Variants in MYOM2 observed in about 807,000 individuals in gnomAD.
MYOM2 encodes the protein myomesin 2, also known as myomesin-2.
In MYOM2, 254 loss-of-function variants were observed where a neutral mutation model predicts 187.6. That is an observed-to-expected ratio of 1.35 (90% CI 1.22 to 1.50). MYOM2 has a LOEUF of 1.50. Among genes scored for constraint, MYOM2 ranks in the 40% most tolerant of loss-of-function variants. The pLI is 0.00. For missense variants in MYOM2, 2,796 were observed against 1,924.0 expected, an observed-to-expected ratio of 1.45 and a Z score of -8.48; for synonymous variants, 981 against 753.8, an observed-to-expected ratio of 1.30 and a Z score of -4.94.
chr8:2,054,566 A>G (rs959289459), intron 3 of MYOM2, among the ~76,000 whole-genome samples: 25 of 152,186 alleles, frequency 1.6e-4, no homozygotes, highest in African/African-American at 5.5e-4. Context: ...TGGCTGTGGG[A>G]GGAATTCCAG....
At chr8:2,129,024 A>C in intron 31 of MYOM2, 103 bp from the exon 32 acceptor site, 2 of 715,094 alleles carry the variant, frequency 2.8e-6, no homozygotes, top group Non-Finnish European at 4.9e-6. Flanking sequence ...AAGTGAGAAC[A>C]GGATTGCAGG....
intron 6 of MYOM2, 109 bp downstream of exon 6, chr8:2,059,354 G>A: frequency 1.2e-6 from 1 of 863,962 alleles, no homozygotes. Context: ...CTGTCTGTTT[G>A]CACCCCGGGT....
At chr8:2,093,411 G>C (rs997342695) in intron 16 of MYOM2, among the ~76,000 whole-genome samples, 1 of 152,196 alleles carries the variant, frequency 6.6e-6, no homozygotes, top group African/African-American at 2.4e-5. Context: ...CAAAGCATCT[G>C]TGCTAAGTTG....
intron 15 of MYOM2, 151 bp from the exon 16 acceptor site, chr8:2,092,195 C>T (rs1262207617): frequency 3.4e-5 from 31 of 902,570 alleles, no homozygotes; most frequent in East Asian, 2.9e-4. Context: ...CGGCCCGGGG[C>T]TCCTCTCCTA....
intron 35 of MYOM2, 61 bp from the exon 36 acceptor site, chr8:2,143,340 C>T (rs1585986184): frequency 1.9e-6 from 3 of 1,595,560 alleles, no homozygotes; most frequent in Non-Finnish European, 1.7e-6. Flanking sequence ...GCTTACATGG[C>T]TCCTGCTCCG....
intron 12 of MYOM2, 68 bp downstream of exon 12, chr8:2,079,001 G>T: frequency 1.3e-6 from 2 of 1,498,416 alleles, no homozygotes; most frequent in East Asian, 4.5e-5. Flanking sequence ...GTGATTTGTT[G>T]TCTCTTTCCC....
chr8:2,064,546 C>A (rs188611500), intron 6 of MYOM2, among the ~76,000 whole-genome samples: 1 of 152,122 alleles, frequency 6.6e-6, no homozygotes, highest in Non-Finnish European at 1.5e-5. Flanking sequence ...GCAGTCGCTG[C>A]GGGAGGCCAA....
At chr8:2,124,764 G>C (rs1797579623) in intron 31 of MYOM2, among the ~76,000 whole-genome samples, 1 of 151,980 alleles carries the variant, frequency 6.6e-6, no homozygotes, top group South Asian at 2.1e-4. Flanking sequence ...TTTATCTTTT[G>C]TCTTTTTGAT....
rs773556533 is a variant in MYOM2 at position 2,123,309 on chromosome 8, G to C, written c.3511G>C (p.Glu1171Gln). 6.2e-7 allele frequency: 1 copy of C among 1,614,052 alleles called. No homozygotes were observed. Among genetic ancestry groups the C allele is most frequent in the South Asian group, 1.1e-5 (1 of 91,050 alleles). The change falls in exon 29 of 37, where the codon GAA becomes CAA. Residue 1171 changes from glutamate to glutamine, a missense_variant. Physicochemically the swap from Glu to Gln is conservative, Grantham distance 29. Transcript: ENST00000262113. ...FKWLKDDVLYETETLPNLERG... is the reference protein window; with the variant it reads ...FKWLKDDVLYQTETLPNLERG... ...ATGGCTCAAGGATGATGTTCTGTATGAAACGGAGACACTGCCTAACCTGGA... is the reference window on the plus strand; with the variant it reads ...ATGGCTCAAGGATGATGTTCTGTATCAAACGGAGACACTGCCTAACCTGGA...
chr8:2,100,125 CTTCTTTCCTTCCT>C (rs1796648172), intron 19 of MYOM2, among the ~76,000 whole-genome samples: 1 of 50,086 alleles, frequency 2.0e-5, no homozygotes, highest in Admixed American at 2.3e-4. Flanking sequence ...TCCTTCCTTC[CTTCTTTCCTTCCT>C]TCCTTCCTTC....
intron 10 of MYOM2, among the ~76,000 whole-genome samples, chr8:2,075,498 T>C (rs551606453): frequency 2.4e-4 from 37 of 152,188 alleles, no homozygotes; most frequent in Non-Finnish European, 4.4e-4. Flanking sequence ...GGAAACTGGA[T>C]AGTGCTCACC....
intron 6 of MYOM2, among the ~76,000 whole-genome samples, chr8:2,059,952 G>A (rs559066935): frequency 1.3e-5 from 2 of 152,230 alleles, no homozygotes; most frequent in African/African-American, 4.8e-5. Flanking sequence ...ATGTTGGTCA[G>A]GCTGGTCTCG....
Position 2,096,251 on chromosome 8 carries a change from C to G in MYOM2, c.2130C>G (p.Val710=). The G allele has an allele frequency of 6.2e-7, 1 of 1,613,182 alleles. No homozygotes were observed. The highest frequency in any genetic ancestry group is 1.1e-5 in the South Asian group (1 of 90,984). Residue 710 remains valine (V), a synonymous_variant, in exon 18 of 37, where the codon GTC becomes GTG. Transcript: ENST00000262113. ...DVIKVQAALT[V]PSHPYGITLL... is the part of the protein sequence containing the mutation. ...CCTGGTTGTGCTTCCTTGCAGCCGT[C>G]CCGTCCCATCCTTATGGGATTACGC...
At chr8:2,065,313 G>A (rs1818981109) in intron 6 of MYOM2, among the ~76,000 whole-genome samples, 1 of 152,210 alleles carries the variant, frequency 6.6e-6, no homozygotes, top group Admixed American at 6.5e-5. Flanking sequence ...GCTCATGCCT[G>A]TAATCCCAGC....
At chr8:2,077,309 C>CA (rs11289750) in intron 11 of MYOM2, among the ~76,000 whole-genome samples, 1,903 of 149,730 alleles carry the variant, frequency 0.013, 28 homozygotes, top group African/African-American at 0.043. Context: ...ACTCCACCAT[C>CA]AAAAAAAACA....
At chr8:2,108,899 T>C in intron 24 of MYOM2, 69 bp downstream of exon 24, 5 of 1,484,322 alleles carry the variant, frequency 3.4e-6, no homozygotes, top group East Asian at 2.3e-5. Flanking sequence ...CATTAATGCA[T>C]GAGCTCTTGG....
intron 8 of MYOM2, among the ~76,000 whole-genome samples, chr8:2,071,770 A>T (rs1172602130): frequency 6.6e-6 from 1 of 152,194 alleles, no homozygotes; most frequent in African/African-American, 2.4e-5. Context: ...CTGGAGGCAG[A>T]AGCCTGACAC....
rs1796976019 is a variant in MYOM2 at position 2,108,814 on chromosome 8, T to C, written c.3027T>C (p.Asn1009=). 6.2e-7 allele frequency: 1 copy of C among 1,613,936 alleles called. No individual in the cohort carries two copies. Among genetic ancestry groups the C allele is most frequent in the Non-Finnish European group, 8.5e-7 (1 of 1,179,964 alleles). Residue 1009 remains asparagine (N), a synonymous_variant, in exon 24 of 37, where the codon AAT becomes AAC. Transcript: ENST00000262113. ...TCGAGCGTTTGATGGCATTGAGCAA[T>C]GAAATAAAGAACCCCAGTAAGTAAG... The part of the protein sequence containing the change: ...EELERLMALS[N]EIKNPTIPLK...
At chr8:2,114,107 C>T (rs900213228) in intron 25 of MYOM2, among the ~76,000 whole-genome samples, 2 of 152,340 alleles carry the variant, frequency 1.3e-5, no homozygotes, top group Admixed American at 1.3e-4. Context: ...GAGCCAGTCA[C>T]AAGGGCTGCA....
Sources: gnomAD v4.1 joint callset for allele counts (sites outside exome capture counted in the v4.1 genomes callset) on GRCh38, gnomAD v4.1.1 for gene constraint, MANE v1.5 for transcripts, NCBI Gene and HGNC (gene_info 2026-07-23, HGNC 2026-07-21) for gene names.